Variants in LARP1 observed in about 807,000 individuals in gnomAD.
LARP1 encodes la-related protein 1.
In LARP1, 36 loss-of-function variants were observed where a neutral mutation model predicts 122.7. The observed-to-expected ratio is 0.29, with a 90% CI of 0.22 to 0.39. The LOEUF (loss-of-function observed/expected upper bound fraction) is 0.39. LARP1 is among the 10% of genes least tolerant of loss of function. LARP1 has a pLI of 1.00. For missense variants in LARP1, 1,040 were observed against 1,403.6 expected, an observed-to-expected ratio of 0.74 and a Z score of 4.14; for synonymous variants, 539 against 528.7, an observed-to-expected ratio of 1.02 and a Z score of -0.27.
chr5:154,768,458 T>C (rs1755129186), intron 1 of LARP1, among the ~76,000 whole-genome samples: 1 of 152,168 alleles, frequency 6.6e-6, no homozygotes, highest in Admixed American at 6.5e-5. Context: ...AACACTTTAA[T>C]CATCTGTATT....
At chr5:154,697,735 C>T (rs10076237) in intron 1 of LARP1, among the ~76,000 whole-genome samples, 2,050 of 152,232 alleles carry the variant, frequency 0.013, 59 homozygotes, top group African/African-American at 0.046. Context: ...AAATTAGATT[C>T]GTGTTTACTT....
At chr5:154,792,220 A>G (rs1461227687) in intron 3 of LARP1, among the ~76,000 whole-genome samples, 1 of 152,182 alleles carries the variant, frequency 6.6e-6, no homozygotes, top group Non-Finnish European at 1.5e-5. Context: ...AGTGGCTTAG[A>G]GTCTTTACTC....
chr5:154,777,072 G>A (rs534220739), intron 1 of LARP1, among the ~76,000 whole-genome samples: 1 of 152,264 alleles, frequency 6.6e-6, no homozygotes, highest in South Asian at 2.1e-4. Context: ...CAAACAAATG[G>A]CACAACGTAC....
intron 1 of LARP1, among the ~76,000 whole-genome samples, chr5:154,724,056 A>T (rs569659146): frequency 1.2e-4 from 19 of 152,232 alleles, no homozygotes; most frequent in Non-Finnish European, 2.2e-4. Flanking sequence ...GCCAGAGGCA[A>T]CCATGATCTT....
intron 1 of LARP1, among the ~76,000 whole-genome samples, chr5:154,734,225 G>T (rs150089386): frequency 6.6e-6 from 1 of 151,386 alleles, no homozygotes. Flanking sequence ...AATTCATGAC[G>T]AGCACAAGTA....
At chr5:154,754,314 G>A (rs1030083605), upstream of LARP1, among the ~76,000 whole-genome samples, 2 of 152,152 alleles carry the variant, frequency 1.3e-5, no homozygotes, top group African/African-American at 2.4e-5. Context: ...CCCACAGTAC[G>A]AGGTCAGTAA....
At chr5:154,810,976 T>C (rs947000945) in intron 16 of LARP1, among the ~76,000 whole-genome samples, 1 of 152,214 alleles carries the variant, frequency 6.6e-6, no homozygotes, top group Non-Finnish European at 1.5e-5. Context: ...CACTCTGTTA[T>C]TGTAGCAGAA....
intron 1 of LARP1, among the ~76,000 whole-genome samples, chr5:154,702,417 G>C (rs139022266): frequency 6.6e-6 from 1 of 151,958 alleles, no homozygotes; most frequent in African/African-American, 2.4e-5. Flanking sequence ...TTTCCCGGGC[G>C]TGGTGGTGGG....
intron 1 of LARP1, 44 bp downstream of exon 1, chr5:154,756,237 G>T (rs1404038002): frequency 8.5e-7 from 1 of 1,182,998 alleles, no homozygotes; most frequent in Non-Finnish European, 1.1e-6. Context: ...GGCCTCTTCC[G>T]GGGACATGGG....
intron 9 of LARP1, 40 bp downstream of exon 9, chr5:154,799,799 G>A (rs754071211): frequency 1.2e-6 from 2 of 1,612,292 alleles, no homozygotes; most frequent in African/African-American, 1.3e-5. Context: ...TTGTCCTCTG[G>A]GCAACAGTCC....
intron 1 of LARP1, among the ~76,000 whole-genome samples, chr5:154,784,378 C>T (rs1475836557): frequency 6.6e-6 from 1 of 152,316 alleles, no homozygotes; most frequent in Non-Finnish European, 1.5e-5. Flanking sequence ...GGAGGTCGAC[C>T]TAACGGCCAA....
intron 1 of LARP1, among the ~76,000 whole-genome samples, chr5:154,759,231 C>T (rs1754250370): frequency 6.6e-6 from 1 of 152,004 alleles, no homozygotes; most frequent in South Asian, 2.1e-4. Flanking sequence ...GTGTATTTAG[C>T]CCAGTGCCTG....
rs1213574335 is a variant in LARP1, at chr5:154,791,204, G to A, written c.564+494G>A. Among the ~76,000 whole-genome samples, 5 of 137,766 alleles carry A rather than the reference G, an allele frequency of 3.6e-5. No individual in the cohort carries two copies. In the East Asian group the frequency reaches 6.5e-4, roughly 18 times the overall value. 90.4% of individuals were successfully genotyped at this position (137,766 alleles called of 152,430 possible). A position where few individuals can be genotyped will look rare whatever the true frequency, so the allele number is the denominator to read the frequency against. On this transcript the variant is annotated intron_variant, in intron 3 of 18. Transcript: ENST00000518297. Reference sequence around the variant, plus strand: ...GGCTGGAGTGCAATGGTGTGATCTCGGCTCACTGCAACCTCCGCCTCCCAG... The same window carrying A: ...GGCTGGAGTGCAATGGTGTGATCTCAGCTCACTGCAACCTCCGCCTCCCAG...
At chr5:154,698,720 C>T (rs546481682) in intron 1 of LARP1, among the ~76,000 whole-genome samples, 78 of 152,084 alleles carry the variant, frequency 5.1e-4, no homozygotes, top group East Asian at 7.7e-4. Context: ...GATTATATCT[C>T]GGTAAAGCTG....
chr5:154,737,915 C>T (rs567379404), intron 1 of LARP1, among the ~76,000 whole-genome samples: 3 of 152,268 alleles, frequency 2.0e-5, no homozygotes, highest in East Asian at 1.9e-4. Flanking sequence ...TGAACATTCC[C>T]CTTGCTTCAC....
At chr5:154,717,061 A>T (rs902187051) in intron 1 of LARP1, among the ~76,000 whole-genome samples, 1 of 19,630 alleles carries the variant, frequency 5.1e-5, no homozygotes, top group Non-Finnish European at 9.9e-5. Flanking sequence ...CCCTGTCTCC[A>T]AAAAAAAAAA....
chr5:154,757,554 A>G (rs958889835), intron 1 of LARP1, among the ~76,000 whole-genome samples: 5 of 151,288 alleles, frequency 3.3e-5, no homozygotes, highest in Non-Finnish European at 7.4e-5. Context: ...CTTTTAAAAA[A>G]CTCACCTGCC....
intron 1 of LARP1, among the ~76,000 whole-genome samples, chr5:154,744,578 G>T (rs1216949836): frequency 1.4e-5 from 2 of 145,780 alleles, no homozygotes; most frequent in African/African-American, 5.1e-5. Flanking sequence ...TGCAACAGCT[G>T]GAATATTATC....
intron 1 of LARP1, among the ~76,000 whole-genome samples, chr5:154,773,003 TA>T (rs1554085321): frequency 2.7e-5 from 4 of 148,136 alleles, no homozygotes; most frequent in South Asian, 2.1e-4. Flanking sequence ...TTTTTTTTTT[TA>T]AAAGACCTTG....
Sources: allele counts gnomAD v4.1 joint callset (sites outside exome capture counted in the v4.1 genomes callset), GRCh38; gene constraint gnomAD v4.1.1; transcripts MANE v1.5; gene names NCBI Gene and HGNC (gene_info 2026-07-23, HGNC 2026-07-21).